The following UNC13C variants were observed in gnomAD, a reference collection of about 807,000 sequenced individuals.
The protein encoded by UNC13C is protein unc-13 homolog C.
Under a neutral mutation model 245.4 loss-of-function variants are expected in UNC13C, and 174 were observed. That is an observed-to-expected ratio of 0.71 (90% confidence interval 0.63 to 0.80). UNC13C has a LOEUF of 0.80. Ranked by LOEUF, UNC13C falls within the 30% of genes least tolerant of loss-of-function variation. The probability of loss-of-function intolerance (pLI) is 0.00; values close to 1 mark genes in which losing one functional copy is unlikely to be tolerated. For missense variants in UNC13C, 2,829 were observed against 2,602.9 expected (o/e 1.09, Z -1.89); for synonymous variants, 992 against 895.1 (o/e 1.11, Z -1.93).
At chr15:54,256,280 A>G (rs142989533) in intron 8 of UNC13C, among the ~76,000 whole-genome samples, 60 of 152,296 alleles carry the variant, frequency 3.9e-4, no homozygotes, top group African/African-American at 1.3e-3. Context: ...TCTCGGCAAG[A>G]TCGTGCTAGA....
intron 4 of UNC13C, among the ~76,000 whole-genome samples, chr15:54,168,153 T>A (rs1374295445): frequency 6.6e-6 from 1 of 152,192 alleles, no homozygotes; most frequent in Non-Finnish European, 1.5e-5. Flanking sequence ...TGCTGAATGT[T>A]TGAGATTTTT....
At chr15:53,997,658 T>C (rs1894696997) in intron 1 of UNC13C, among the ~76,000 whole-genome samples, 1 of 152,174 alleles carries the variant, frequency 6.6e-6, no homozygotes, top group Non-Finnish European at 1.5e-5. Flanking sequence ...ATTAAAGTTA[T>C]CTATACACAT....
chr15:54,044,720 A>C (rs1896956171), intron 2 of UNC13C, among the ~76,000 whole-genome samples: 1 of 152,160 alleles, frequency 6.6e-6, no homozygotes, highest in Non-Finnish European at 1.5e-5. Flanking sequence ...TTACAACATG[A>C]TGTTATCAGA....
At chr15:54,089,233 TA>T (rs1206886683) in intron 2 of UNC13C, among the ~76,000 whole-genome samples, 5 of 152,170 alleles carry the variant, frequency 3.3e-5, no homozygotes, top group Admixed American at 1.3e-4. Flanking sequence ...TCATGAAAAC[TA>T]AAAGCAAGGT....
At chr15:54,417,131 A>C (rs74902292) in intron 19 of UNC13C, 14,312 of 348,392 alleles carry the variant, frequency 0.041, 551 homozygotes, top group Admixed American at 0.13. Context: ...TTTTTTACCA[A>C]AATGTAATTT....
chr15:53,919,204 A>T, the UNC13C span, among the ~76,000 whole-genome samples: 1 of 152,220 alleles, frequency 6.6e-6, no homozygotes, highest in Non-Finnish European at 1.5e-5. Context: ...CAGGTTACGT[A>T]ATAATTATGG....
At chr15:54,083,656 C>A (rs1387520593) in intron 2 of UNC13C, among the ~76,000 whole-genome samples, 1 of 152,150 alleles carries the variant, frequency 6.6e-6, no homozygotes, top group East Asian at 1.9e-4. Context: ...CCTTCATTTC[C>A]TTTGTCCCAA....
chr15:53,973,317 T>C (rs1893595874), upstream of UNC13C, among the ~76,000 whole-genome samples: 1 of 152,180 alleles, frequency 6.6e-6, no homozygotes. Context: ...CTAATATTTA[T>C]TGAGTACCTA....
chr15:53,934,971 A>C, the UNC13C span, among the ~76,000 whole-genome samples: 1 of 152,228 alleles, frequency 6.6e-6, no homozygotes, highest in Non-Finnish European at 1.5e-5. Flanking sequence ...TTAGGGGGAC[A>C]TAAAGATTCA....
intron 8 of UNC13C, among the ~76,000 whole-genome samples, chr15:54,251,033 T>C (rs922684996): frequency 1.3e-5 from 2 of 151,650 alleles, no homozygotes; most frequent in Admixed American, 6.6e-5. Context: ...TGGGATTACA[T>C]AGGCGTGAGC....
At chr15:54,060,069 T>G (rs548497204) in intron 2 of UNC13C, among the ~76,000 whole-genome samples, 1 of 152,196 alleles carries the variant, frequency 6.6e-6, no homozygotes. Context: ...AAGGACTTCA[T>G]GTCTAAAACA....
chr15:54,614,867 T>C (rs1302711928), intron 30 of UNC13C, among the ~76,000 whole-genome samples: 1 of 152,058 alleles, frequency 6.6e-6, no homozygotes, highest in Non-Finnish European at 1.5e-5. Flanking sequence ...AACTTTTAGC[T>C]CAAGAAATTT....
At chr15:53,896,245 G>A in the UNC13C span, among the ~76,000 whole-genome samples, 3 of 151,930 alleles carry the variant, frequency 2.0e-5, no homozygotes, top group Non-Finnish European at 4.4e-5. Context: ...TTACTTGTAA[G>A]AAATGTAAAA....
At chr15:54,023,676 A>T (rs184102692) in intron 2 of UNC13C, among the ~76,000 whole-genome samples, 1 of 152,234 alleles carries the variant, frequency 6.6e-6, no homozygotes, top group Non-Finnish European at 1.5e-5. Context: ...AACACAGTTA[A>T]GTTATGTTAT....
intron 10 of UNC13C, among the ~76,000 whole-genome samples, chr15:54,269,133 A>T (rs2036622182): frequency 6.6e-6 from 1 of 151,864 alleles, no homozygotes; most frequent in Non-Finnish European, 1.5e-5. Flanking sequence ...CTTGGTTTCT[A>T]TTCCTTGCAC....
chr15:54,165,202 TTG>T (rs1290433916), intron 4 of UNC13C, among the ~76,000 whole-genome samples: 6 of 152,248 alleles, frequency 3.9e-5, no homozygotes, highest in East Asian at 1.9e-4. Flanking sequence ...ATCTGTGTGT[TTG>T]TGTGTGTATA....
In UNC13C at chr15:54,627,836, G is replaced by C. The variant is rs2141325060; in HGVS notation, c.*723G>C. On this transcript the variant is annotated 3_prime_UTR_variant, in exon 33 of 33. Transcript: ENST00000260323. ...TAAGTTAATGCATTTGTCATATAGT[G>C]TTATGTCTTGGCTTTACCATATTTC... 6.6e-6 allele frequency: 1 copy of C among 152,670 alleles called. No individual in the cohort carries two copies. Among genetic ancestry groups the C allele is most frequent in the South Asian group, 2.1e-4 (1 of 4,828 alleles). The allele number at this position is 152,670 out of a possible 1,614,324, so 9.5% of individuals were successfully genotyped here.
chr15:53,909,529 G>A, the UNC13C span, among the ~76,000 whole-genome samples: 24 of 146,130 alleles, frequency 1.6e-4, 1 homozygote, highest in African/African-American at 5.6e-4. Context: ...TGAGGTGGGT[G>A]GATCACGAGG....
chr15:54,146,857 G>A (rs2032281255), intron 4 of UNC13C, among the ~76,000 whole-genome samples: 1 of 152,180 alleles, frequency 6.6e-6, no homozygotes, highest in Non-Finnish European at 1.5e-5. Flanking sequence ...CCATGACACA[G>A]TTCTTAGGTT....
Sources: gnomAD v4.1 joint callset for allele counts (sites outside exome capture counted in the v4.1 genomes callset) on GRCh38, gnomAD v4.1.1 for gene constraint, MANE v1.5 for transcripts, NCBI Gene and HGNC (gene_info 2026-07-23, HGNC 2026-07-21) for gene names.